The following SH3RF2 variants were observed in gnomAD, a reference collection of about 807,000 sequenced individuals.
The protein encoded by SH3RF2 is SH3 domain containing ring finger 2.
SH3RF2 carries 43 observed loss-of-function variants against 59.0 expected under a neutral mutation model. That is an observed-to-expected ratio of 0.73 (90% CI 0.57 to 0.94). The LOEUF is 0.94. SH3RF2 is among the 40% of genes least tolerant of loss of function. SH3RF2 has a pLI of 0.00. For missense variants in SH3RF2, 930 were observed against 940.1 expected (o/e 0.99, Z 0.14); for synonymous variants, 391 against 391.5 (o/e 1.00, Z 0.01).
intron 9 of SH3RF2, among the ~76,000 whole-genome samples, chr5:146,071,910 G>A (rs892997117): frequency 1.3e-5 from 2 of 152,212 alleles, no homozygotes; most frequent in East Asian, 3.9e-4. Context: ...TGTTCAATAA[G>A]TGGTAGCTAT....
At chr5:145,937,789 A>G in intron 1 of SH3RF2, 34 bp from the exon 2 acceptor site, 1 of 962,924 alleles carries the variant, frequency 1.0e-6, no homozygotes, top group Non-Finnish European at 1.5e-6. Context: ...GAGCAGTCAC[A>G]TTTTTTTTTC....
At chr5:146,047,931 G>A in intron 6 of SH3RF2, 68 bp downstream of exon 6, 1 of 1,451,562 alleles carries the variant, frequency 6.9e-7, no homozygotes, top group Admixed American at 1.7e-5. Flanking sequence ...ATGTACAGTG[G>A]TGATCTAGCA....
chr5:146,056,130 T>C lies in SH3RF2; in HGVS notation c.1472T>C (p.Ile491Thr), dbSNP rs1156933818. The change falls in exon 8 of 10, where the codon ATA (isoleucine) becomes ACA (threonine). Residue 491 changes from isoleucine to threonine, a missense_variant. Transcript: ENST00000359120. ...AAATCCGTCTTTGTGCCCACTGCCA[T>C]AGTCAACCCCGTGAGAAGCACAGCC... ...PFKSVFVPTA[I>T]VNPVRSTAGP... 5.0e-6 allele frequency: 8 copies of C among 1,614,054 alleles called. No individual in the cohort carries two copies. The African/African-American group carries it at 6.7e-5, about 13-fold the overall frequency.
In SH3RF2 at chr5:146,062,435, A is replaced by C; in HGVS notation, c.1924A>C (p.Thr642Pro). ...CTCCTTTCTCTTGCAGCAAGTCAAAACCGTGAGATTTCAGAATTACAGCCC... is the reference window on the plus strand; with the variant it reads ...CTCCTTTCTCTTGCAGCAAGTCAAACCCGTGAGATTTCAGAATTACAGCCC... Reference protein sequence around the residue: ...SRNGIEKQVKTVRFQNYSPPP... With the variant: ...SRNGIEKQVKPVRFQNYSPPP... Residue 642 changes from threonine (T) to proline (P), a missense_variant, in exon 10 of 10, where the codon ACC becomes CCC. Thr to Pro is a conservative substitution (Grantham distance 38). Transcript: ENST00000359120. 1 of 1,613,784 alleles carries C rather than the reference A, an allele frequency of 6.2e-7. No homozygotes were observed.
At chr5:145,992,024 C>T (rs1759953583) in intron 2 of SH3RF2, among the ~76,000 whole-genome samples, 1 of 152,094 alleles carries the variant, frequency 6.6e-6, no homozygotes, top group South Asian at 2.1e-4. Context: ...GGGATCAAGG[C>T]ATTCACATTT....
intron 5 of SH3RF2, among the ~76,000 whole-genome samples, chr5:146,028,153 T>C (rs1311745170): frequency 7.5e-6 from 1 of 133,962 alleles, no homozygotes; most frequent in Non-Finnish European, 1.6e-5. Flanking sequence ...CCAAGGCCAA[T>C]GAGGCCTGCA....
intron 9 of SH3RF2, among the ~76,000 whole-genome samples, chr5:146,075,058 G>T (rs537625032): frequency 2.6e-5 from 4 of 152,142 alleles, no homozygotes; most frequent in Non-Finnish European, 5.9e-5. Flanking sequence ...TGATAGACAG[G>T]AATGTAAAGT....
At chr5:146,030,287 G>C (rs6864121) in intron 5 of SH3RF2, among the ~76,000 whole-genome samples, 50,441 of 151,952 alleles carry the variant, frequency 0.33, 8,872 homozygotes, top group Non-Finnish European at 0.39. Context: ...TGCCCATGTC[G>C]TTTCATTCAG....
At chr5:146,028,418 T>A (rs1360066680) in intron 5 of SH3RF2, among the ~76,000 whole-genome samples, 1 of 152,124 alleles carries the variant, frequency 6.6e-6, no homozygotes, top group Non-Finnish European at 1.5e-5. Flanking sequence ...AATGGGAAAA[T>A]TAATAGCGTC....
At chr5:146,080,740 G>A (rs767315610) in exon 10 of SH3RF2, 7 of 152,176 alleles carry the variant, frequency 4.6e-5, no homozygotes, top group Non-Finnish European at 8.8e-5. Context: ...TGTTGGTGTT[G>A]TTTACCCACA....
Position 146,062,902 on chromosome 5 carries a change from C to A in SH3RF2, c.*201C>A. ...TAGATGGCGTGGCCTTCCAAACATA[C>A]AAACATAATGATTTGATGCCACAAA... On this transcript the variant is annotated 3_prime_UTR_variant, in exon 10 of 10. Coordinates refer to ENST00000359120, the MANE Select transcript of SH3RF2 (RefSeq NM_152550.4). 1.5e-6 allele frequency: 1 copy of A among 669,132 alleles called. No homozygotes were observed. Among genetic ancestry groups the A allele is most frequent in the Non-Finnish European group, 2.5e-6 (1 of 404,738 alleles). The allele number at this position is 669,132 out of a possible 1,614,324, so 41.4% of individuals were successfully genotyped here.
At chr5:145,966,754 A>G (rs111930841) in intron 2 of SH3RF2, among the ~76,000 whole-genome samples, 11,864 of 152,184 alleles carry the variant, frequency 0.078, 1,563 homozygotes, top group African/African-American at 0.27. Context: ...GGGCGTGGTG[A>G]TTCATGCCTG....
intron 8 of SH3RF2, among the ~76,000 whole-genome samples, chr5:146,059,563 T>C (rs1425575094): frequency 2.0e-5 from 3 of 151,020 alleles, no homozygotes; most frequent in Admixed American, 2.0e-4. Flanking sequence ...TGTGTGTGCG[T>C]GTGTGTGTGT....
intron 2 of SH3RF2, among the ~76,000 whole-genome samples, chr5:145,994,971 T>C (rs948356399): frequency 6.7e-6 from 1 of 149,638 alleles, no homozygotes; most frequent in African/African-American, 2.5e-5. Flanking sequence ...CATTCTCCCT[T>C]TCTTTCCTTT....
chr5:146,022,807 G>T (rs1761376339), intron 5 of SH3RF2, among the ~76,000 whole-genome samples: 1 of 151,778 alleles, frequency 6.6e-6, no homozygotes, highest in Non-Finnish European at 1.5e-5. Context: ...AGGAGGCAGA[G>T]GTTGCAGTGA....
At chr5:146,018,848 T>C (rs1761205720) in intron 5 of SH3RF2, among the ~76,000 whole-genome samples, 1 of 151,850 alleles carries the variant, frequency 6.6e-6, no homozygotes, top group Non-Finnish European at 1.5e-5. Context: ...GGTGGTATCT[T>C]ATTGTGGTTT....
At chr5:146,034,765 T>G (rs1198622426) in intron 5 of SH3RF2, among the ~76,000 whole-genome samples, 1 of 151,954 alleles carries the variant, frequency 6.6e-6, no homozygotes, top group African/African-American at 2.4e-5. Flanking sequence ...GGAGCCTAGG[T>G]TTCCAAGAAT....
rs1483992442 is a variant in SH3RF2, at chr5:146,062,724, A to G, written c.*23A>G. The G allele has an allele frequency of 1.2e-6, 2 of 1,601,642 alleles. No individual in the cohort carries two copies. The highest frequency in any genetic ancestry group is 3.4e-5 in the Admixed American group (2 of 59,272). On this transcript the variant is annotated 3_prime_UTR_variant, in exon 10 of 10. Transcript: ENST00000359120. ...TGAACCTACGGGTGGCTTTTCCTAGACCCCAAAGAGGTGAATTGCATTTAA... is the reference window on the plus strand; with the variant it reads ...TGAACCTACGGGTGGCTTTTCCTAGGCCCCAAAGAGGTGAATTGCATTTAA...
intron 2 of SH3RF2, among the ~76,000 whole-genome samples, chr5:145,974,695 GC>G (rs1759217551): frequency 6.6e-6 from 1 of 152,128 alleles, no homozygotes; most frequent in African/African-American, 2.4e-5. Flanking sequence ...GTCGTACAGT[GC>G]AAAAAGTAAA....
Sources: allele counts gnomAD v4.1 joint callset (sites outside exome capture counted in the v4.1 genomes callset), GRCh38; gene constraint gnomAD v4.1.1; transcripts MANE v1.5; gene names NCBI Gene and HGNC (gene_info 2026-07-23, HGNC 2026-07-21).